The following TPX2 variants were observed in gnomAD, a reference collection of about 807,000 sequenced individuals.
TPX2 encodes the protein TPX2 microtubule nucleation factor.
Under a neutral mutation model 93.6 loss-of-function variants are expected in TPX2, and 21 were observed. The observed-to-expected ratio is 0.22, with a 90% confidence interval of 0.16 to 0.32. The LOEUF (loss-of-function observed/expected upper bound fraction) is 0.32, where lower values mean the gene tolerates loss of function less well. TPX2 is among the 10% of genes least tolerant of loss of function. TPX2 has a pLI of 1.00. For missense variants in TPX2, 776 were observed against 871.1 expected, an observed-to-expected ratio of 0.89 and a Z score of 1.37; for synonymous variants, 281 against 298.3, an observed-to-expected ratio of 0.94 and a Z score of 0.60.
Position 31,797,502 on chromosome 20 carries a change from G to T in TPX2, c.1932G>T (p.Lys644Asn). 6.2e-7 allele frequency: 1 copy of T among 1,613,892 alleles called. No individual in the cohort carries two copies. Among genetic ancestry groups the T allele is most frequent in the Non-Finnish European group, 8.5e-7 (1 of 1,179,878 alleles). The change falls in exon 16 of 18, where the codon AAG (lysine) becomes AAT (asparagine). Residue 644 changes from lysine (K) to asparagine (N), a missense_variant. Physicochemically the swap from Lys to Asn is moderately conservative, Grantham distance 94 (BLOSUM62 0). Coordinates refer to ENST00000300403, the MANE Select transcript of TPX2 (RefSeq NM_012112.5). ...AGCCCTTTGTTCCCAAGAAAGAGAA[G>T]AAATCAGTTGCTGGTAGTATTATAT... Reference protein sequence around the residue: ...SQEPFVPKKEKKSVAEGLSGS... With the variant: ...SQEPFVPKKENKSVAEGLSGS...
chr20:31,787,162 G>A (rs761545007), intron 12 of TPX2, among the ~76,000 whole-genome samples: 1 of 149,954 alleles, frequency 6.7e-6, no homozygotes, highest in Non-Finnish European at 1.5e-5. Context: ...TCTAAGAGGT[G>A]GAGTCTATAC....
At chr20:31,795,723 A>G (rs955307782) in intron 15 of TPX2, among the ~76,000 whole-genome samples, 1 of 152,274 alleles carries the variant, frequency 6.6e-6, no homozygotes, top group African/African-American at 2.4e-5. Context: ...AGATTGAAAT[A>G]TACAATGCTG....
intron 1 of TPX2, among the ~76,000 whole-genome samples, chr20:31,741,997 C>T (rs1306165061): frequency 3.3e-5 from 5 of 152,022 alleles, no homozygotes; most frequent in African/African-American, 1.2e-4. Flanking sequence ...GCCCAAGGTA[C>T]TCTGTGAAAA....
intron 17 of TPX2, among the ~76,000 whole-genome samples, chr20:31,800,189 G>T (rs1075698): frequency 6.6e-6 from 1 of 151,996 alleles, no homozygotes; most frequent in Non-Finnish European, 1.5e-5. Flanking sequence ...ACACTATTTA[G>T]GAGACCAGCC....
chr20:31,766,922 C>T (rs1342044616), intron 5 of TPX2, among the ~76,000 whole-genome samples: 1 of 151,266 alleles, frequency 6.6e-6, no homozygotes, highest in Non-Finnish European at 1.5e-5. Flanking sequence ...CTGCCTCAGC[C>T]TCCTGAGTAG....
At chr20:31,800,917 T>G (rs1363702678) in intron 17 of TPX2, 53 bp from the exon 18 acceptor site, 1 of 1,371,444 alleles carries the variant, frequency 7.3e-7, no homozygotes, top group East Asian at 2.3e-5. Context: ...AAAGCAATTA[T>G]AAGCGTAGTT....
rs752472316 is a variant in TPX2, at chr20:31,782,407, G to C, written c.1196+17G>C. The C allele has an allele frequency of 1.9e-6, 3 of 1,595,270 alleles. No individual in the cohort carries two copies. In the Admixed American group the frequency reaches 5.4e-5, roughly 28 times the overall value. On this transcript the variant is annotated intron_variant, in intron 11 of 17. Transcript: ENST00000300403. Reference sequence around the variant, plus strand: ...ATTGCAACAGTAAGTCCCACTGGCAGTATCTGAGGAAGAGTTCCACGAACC... The same window carrying C: ...ATTGCAACAGTAAGTCCCACTGGCACTATCTGAGGAAGAGTTCCACGAACC...
chr20:31,783,954 G>A lies in TPX2; in HGVS notation c.1413+33G>A, dbSNP rs751667663. 1.0e-5 allele frequency: 16 copies of A among 1,607,596 alleles called. No homozygotes were observed. The East Asian group carries it at 3.3e-4, about 34-fold the overall frequency. On this transcript the variant is annotated intron_variant, in intron 12 of 17. Coordinates refer to ENST00000300403, the MANE Select transcript of TPX2 (RefSeq NM_012112.5). ...TGAGGCTATGTGTGCTGGCAGAAGT[G>A]TACTGCTCATGACCAGATATCCACC...
rs377683400 is a variant in TPX2 at position 31,757,067 on chromosome 20, GTTATAC to G, written c.-70-336_-70-331del. Among the ~76,000 whole-genome samples, 374 of 152,160 alleles carry G rather than the reference GTTATAC, an allele frequency of 2.5e-3. 2 individuals carry two copies. The highest frequency in any genetic ancestry group is 8.5e-3 in the African/African-American group (351 of 41,518). Reference sequence around the variant, plus strand: ...TATCTTTTTAGAGACAGGGTCAACTGTTATACTTAGAGATAATTTTAATTTATTTAG... The same window carrying G: ...TATCTTTTTAGAGACAGGGTCAACTGTTAGAGATAATTTTAATTTATTTAG... On this transcript the variant is annotated intron_variant, in intron 2 of 17. Coordinates refer to ENST00000300403, the MANE Select transcript of TPX2 (RefSeq NM_012112.5).
At chr20:31,768,843 A>G (rs780123040) in intron 5 of TPX2, among the ~76,000 whole-genome samples, 18 of 151,772 alleles carry the variant, frequency 1.2e-4, no homozygotes, top group Non-Finnish European at 2.4e-4. Flanking sequence ...GTGAAAATGT[A>G]CTCAGTTTCA....
chr20:31,786,917 G>A (rs1342702680), intron 12 of TPX2, among the ~76,000 whole-genome samples: 2 of 152,096 alleles, frequency 1.3e-5, no homozygotes, highest in Admixed American at 6.6e-5. Context: ...GAATTGATAC[G>A]ATTTGCGGAA....
chr20:31,799,344 GGGA>G (rs1450792610), intron 17 of TPX2, among the ~76,000 whole-genome samples: 1 of 152,198 alleles, frequency 6.6e-6, no homozygotes, highest in Non-Finnish European at 1.5e-5. Flanking sequence ...ACAGTTAGAT[GGGA>G]GGAGTAAATT....
chr20:31,775,782 ATAT>A, intron 7 of TPX2, 82 bp from the exon 8 acceptor site: 3 of 1,303,392 alleles, frequency 2.3e-6, no homozygotes, highest in Non-Finnish European at 3.0e-6. Context: ...CAGGTTAAAA[ATAT>A]TATATAATGC....
intron 2 of TPX2, among the ~76,000 whole-genome samples, chr20:31,752,536 T>G (rs1360710948): frequency 6.6e-6 from 1 of 152,234 alleles, no homozygotes; most frequent in Non-Finnish European, 1.5e-5. Context: ...TTAAACAAAC[T>G]GTCTTATTTA....
chr20:31,766,805 T>C, intron 5 of TPX2, 123 bp downstream of exon 5: 1 of 1,123,016 alleles, frequency 8.9e-7, no homozygotes, highest in Non-Finnish European at 1.2e-6. Context: ...CTTTTTTTTT[T>C]TTTTTTTTTT....
At chr20:31,768,718 A>C (rs2061944891) in intron 5 of TPX2, among the ~76,000 whole-genome samples, 1 of 152,208 alleles carries the variant, frequency 6.6e-6, no homozygotes, top group South Asian at 2.1e-4. Context: ...GCTTATATCC[A>C]GAGTATACAA....
intron 2 of TPX2, among the ~76,000 whole-genome samples, chr20:31,755,642 A>C (rs2122974409): frequency 6.6e-6 from 1 of 152,088 alleles, no homozygotes; most frequent in East Asian, 2.0e-4. Context: ...GGGCGCCTGT[A>C]ATTCCAGCTA....
In TPX2 at chr20:31,757,459, T is replaced by C. The variant is rs752699655; in HGVS notation, c.-18T>C. On this transcript the variant is annotated 5_prime_UTR_variant, in exon 3 of 18. Coordinates refer to ENST00000300403, the MANE Select transcript of TPX2 (RefSeq NM_012112.5). ...AAATACTGGGAAAAACCTGCTCTTC[T>C]GCGTTAAGTGGGAGACAATGTCACA... The C allele has an allele frequency of 6.2e-7, 1 of 1,604,336 alleles. No individual in the cohort carries two copies. The highest frequency in any genetic ancestry group is 2.2e-5 in the East Asian group (1 of 44,752).
chr20:31,759,324 G>A (rs938767277), intron 3 of TPX2, among the ~76,000 whole-genome samples: 6 of 151,528 alleles, frequency 4.0e-5, no homozygotes, highest in African/African-American at 1.2e-4. Flanking sequence ...ACCCCACTGA[G>A]GAGGAAACTC....
Sources: allele counts gnomAD v4.1 joint callset (sites outside exome capture counted in the v4.1 genomes callset), GRCh38; gene constraint gnomAD v4.1.1; transcripts MANE v1.5; gene names NCBI Gene and HGNC (gene_info 2026-07-23, HGNC 2026-07-21).